PLCXD2: variants seen among roughly 807,000 people sequenced by gnomAD.
The protein encoded by PLCXD2 is phosphatidylinositol specific phospholipase C X domain containing 2, also known as PI-PLC X domain-containing protein 2.
A neutral mutation model predicts 28.6 loss-of-function variants in PLCXD2; 21 were observed. That is an observed-to-expected ratio of 0.73 (90% CI 0.52 to 1.06). The LOEUF (loss-of-function observed/expected upper bound fraction) is 1.06. Among genes scored for constraint, PLCXD2 ranks in the 50% least tolerant of loss-of-function variants. The probability of loss-of-function intolerance (pLI) is 0.00; values close to 1 mark genes in which losing one functional copy is unlikely to be tolerated. For missense variants in PLCXD2, 369 were observed against 376.7 expected (o/e 0.98, Z 0.17); for synonymous variants, 140 against 150.1 (o/e 0.93, Z 0.49).
intron 1 of PLCXD2, among the ~76,000 whole-genome samples, chr3:111,685,424 A>C (rs1940780623): frequency 2.6e-5 from 4 of 152,140 alleles, no homozygotes. Context: ...TATACCATAA[A>C]CCAGCTGTGA....
intron 1 of PLCXD2, among the ~76,000 whole-genome samples, chr3:111,694,925 T>G (rs1183439764): frequency 6.6e-6 from 1 of 152,222 alleles, no homozygotes; most frequent in East Asian, 1.9e-4. Flanking sequence ...GTATGCATAT[T>G]GAGACATATG....
At chr3:111,721,299 T>G (rs1941342634) in intron 3 of PLCXD2, 1 of 152,424 alleles carries the variant, frequency 6.6e-6, no homozygotes, top group African/African-American at 2.4e-5. Context: ...TGAAAAAGAC[T>G]GGCTCATTGC....
At chr3:111,711,193 C>T (rs1273428787) in intron 2 of PLCXD2, among the ~76,000 whole-genome samples, 1 of 152,074 alleles carries the variant, frequency 6.6e-6, no homozygotes, top group African/African-American at 2.4e-5. Flanking sequence ...CATCTGAGAT[C>T]AGGAGTTCAA....
chr3:111,711,818 T>G (rs1261587911), intron 2 of PLCXD2, among the ~76,000 whole-genome samples: 1 of 152,134 alleles, frequency 6.6e-6, no homozygotes, highest in African/African-American at 2.4e-5. Flanking sequence ...CTGTACTATA[T>G]GAAGAAGGGG....
At chr3:111,725,959 C>T (rs1941409584) in intron 3 of PLCXD2, 2 of 398,058 alleles carry the variant, frequency 5.0e-6, no homozygotes, top group East Asian at 3.6e-5. Context: ...CACGTGTGTT[C>T]AGTGATGTCC....
At chr3:111,680,188 A>G (rs1397321480) in intron 1 of PLCXD2, among the ~76,000 whole-genome samples, 4 of 152,146 alleles carry the variant, frequency 2.6e-5, no homozygotes, top group Non-Finnish European at 5.9e-5. Context: ...CATGTGTGAC[A>G]TGGAGACAAA....
At position 111,675,316 on chromosome 3, in the gene PLCXD2, C is replaced by T; in HGVS notation, c.71C>T (p.Thr24Ile). The change falls in exon 1 of 5, where the codon ACA (threonine) becomes ATA (isoleucine). Residue 24 changes from threonine to isoleucine, a missense_variant. By Grantham distance (89) the Thr-to-Ile change is moderately conservative. Coordinates refer to ENST00000477665, the MANE Select transcript of PLCXD2 (RefSeq NM_001185106.1). ...ATCTGCTCCCCCAACCCCAGCGGGA[C>T]AAAGACATCATCGGAGGTCTGCAAT... 9 of 1,614,176 alleles carry T rather than the reference C, an allele frequency of 5.6e-6. No homozygotes were observed. Among genetic ancestry groups the T allele is most frequent in the Non-Finnish European group, 7.6e-6 (9 of 1,180,020 alleles).
intron 1 of PLCXD2, among the ~76,000 whole-genome samples, chr3:111,704,737 A>G (rs148756837): frequency 2.3e-3 from 354 of 152,292 alleles, no homozygotes; most frequent in African/African-American, 8.1e-3. Context: ...GCTCTTTGAA[A>G]GTATACAATA....
At chr3:111,680,069 C>A in intron 1 of PLCXD2, among the ~76,000 whole-genome samples, 1 of 152,204 alleles carries the variant, frequency 6.6e-6, no homozygotes. Flanking sequence ...TCATTCCCTT[C>A]TTTTCTTTTC....
chr3:111,676,125 T>A (rs1389797134), intron 1 of PLCXD2, among the ~76,000 whole-genome samples: 1 of 152,232 alleles, frequency 6.6e-6, no homozygotes, highest in African/African-American at 2.4e-5. Context: ...CATCATTTGT[T>A]AAATGTGTCC....
chr3:111,721,306 T>C (rs1395376274), intron 3 of PLCXD2: 2 of 152,300 alleles, frequency 1.3e-5, no homozygotes, highest in East Asian at 3.9e-4. Context: ...GACTGGCTCA[T>C]TGCAGCTGTG....
At chr3:111,713,825 G>A (rs1269875148) in intron 2 of PLCXD2, 62 bp from the exon 3 acceptor site, 94 of 1,551,720 alleles carry the variant, frequency 6.1e-5, no homozygotes, top group Non-Finnish European at 7.3e-5. Context: ...CGTATAAAAC[G>A]GAGGAGTTAA....
chr3:111,689,647 G>A (rs1203805993), intron 1 of PLCXD2, among the ~76,000 whole-genome samples: 1 of 152,078 alleles, frequency 6.6e-6, no homozygotes, highest in African/African-American at 2.4e-5. Context: ...TGTCATTTCT[G>A]TATACTTGCT....
chr3:111,700,807 A>T (rs1941030688), intron 1 of PLCXD2, among the ~76,000 whole-genome samples: 2 of 152,040 alleles, frequency 1.3e-5, no homozygotes, highest in Admixed American at 1.3e-4. Context: ...GATGAAGTAA[A>T]GCCAATGCTG....
chr3:111,686,057 C>T (rs1284251415), intron 1 of PLCXD2, among the ~76,000 whole-genome samples: 2 of 152,224 alleles, frequency 1.3e-5, no homozygotes, highest in African/African-American at 4.8e-5. Context: ...TGGTGCCCCT[C>T]TGGCAATCTC....
At chr3:111,676,943 G>A (rs940222838) in intron 1 of PLCXD2, 5 of 152,314 alleles carry the variant, frequency 3.3e-5, no homozygotes, top group Non-Finnish European at 5.9e-5. Context: ...GGTTGGCTGT[G>A]TACTCTGACC....
chr3:111,716,454 G>C (rs1263693757), intron 3 of PLCXD2, among the ~76,000 whole-genome samples: 1 of 152,170 alleles, frequency 6.6e-6, no homozygotes, highest in African/African-American at 2.4e-5. Flanking sequence ...CTAAGATCTT[G>C]TTCATTTTGG....
In PLCXD2 at chr3:111,718,606, G is replaced by A. The variant is rs138556242; in HGVS notation, c.866+4478G>A. On this transcript the variant is annotated intron_variant, in intron 3 of 4. Coordinates refer to ENST00000477665, the MANE Select transcript of PLCXD2 (RefSeq NM_001185106.1). Reference sequence around the variant, plus strand: ...CCACTGAGAGAGGGAGGAGACCCAGGACTGATTATAGTTATGGTAAGAGAA... The same window carrying A: ...CCACTGAGAGAGGGAGGAGACCCAGAACTGATTATAGTTATGGTAAGAGAA... 4.3e-3 allele frequency among the ~76,000 whole-genome samples: 658 copies of A among 152,218 alleles called. 7 individuals carry two copies. The highest frequency in any genetic ancestry group is 0.015 in the African/African-American group (628 of 41,534).
At chr3:111,713,391 G>A (rs60085111) in intron 2 of PLCXD2, among the ~76,000 whole-genome samples, 36,395 of 152,066 alleles carry the variant, frequency 0.24, 6,117 homozygotes, top group African/African-American at 0.47. Flanking sequence ...CCCTAGATGC[G>A]TCCATCTCAC....
Sources: allele counts gnomAD v4.1 joint callset (sites outside exome capture counted in the v4.1 genomes callset), GRCh38; gene constraint gnomAD v4.1.1; transcripts MANE v1.5; gene names NCBI Gene and HGNC (gene_info 2026-07-23, HGNC 2026-07-21).